EFCAB5: variants seen among roughly 807,000 people sequenced by gnomAD.
The protein encoded by EFCAB5 is EF-hand calcium-binding domain-containing protein 5.
Under a neutral mutation model 167.9 loss-of-function variants are expected in EFCAB5, and 131 were observed. The observed-to-expected ratio is 0.78, with a 90% CI of 0.68 to 0.90. EFCAB5 has a LOEUF of 0.90. Ranked by LOEUF, EFCAB5 falls within the 40% of genes least tolerant of loss-of-function variation. The pLI, the probability that EFCAB5 is intolerant of heterozygous loss-of-function variation, is 0.00. For synonymous variants in EFCAB5, 574 were observed against 602.8 expected (o/e 0.95, Z 0.70); for missense variants, 1,663 against 1,745.2 (o/e 0.95, Z 0.84).
intron 3 of EFCAB5, among the ~76,000 whole-genome samples, chr17:29,962,644 T>TC: frequency 6.6e-6 from 1 of 151,222 alleles, no homozygotes; most frequent in South Asian, 2.1e-4. Context: ...TTTTTTTTTT[T>TC]TTTTTTTAGA....
At chr17:30,029,140 T>C (rs1379974796) in intron 7 of EFCAB5, among the ~76,000 whole-genome samples, 1 of 152,202 alleles carries the variant, frequency 6.6e-6, no homozygotes, top group Non-Finnish European at 1.5e-5. Flanking sequence ...TAAGCAAAGT[T>C]TTGAAAAATC....
chr17:30,053,312 A>AGGTTT lies in EFCAB5; in HGVS notation c.1358_1359insGGTTT (p.Asn453LysfsTer18). 1 of 1,613,772 alleles carries AGGTTT rather than the reference A, an allele frequency of 6.2e-7. No homozygotes were observed. The highest frequency in any genetic ancestry group is 1.7e-5 in the Admixed American group (1 of 59,988). ...ACTGAGTTGTGGGGAGACATGGATA[A>AGGTTT]TCAGAAACACATTTATGAAGGTTTT... On this transcript the variant is annotated frameshift_variant, in exon 10 of 23. Coordinates refer to ENST00000394835, the MANE Select transcript of EFCAB5 (RefSeq NM_198529.4). LOFTEE classifies it high-confidence loss of function.
intron 3 of EFCAB5, among the ~76,000 whole-genome samples, chr17:29,954,946 C>A (rs571354278): frequency 6.6e-6 from 1 of 152,158 alleles, no homozygotes; most frequent in Non-Finnish European, 1.5e-5. Context: ...GATTTTACTG[C>A]CCTGTTGTAT....
At chr17:30,059,771 T>C in intron 14 of EFCAB5, 70 bp downstream of exon 14, 2 of 1,354,468 alleles carry the variant, frequency 1.5e-6, no homozygotes, top group Non-Finnish European at 2.0e-6. Context: ...AGTACACATA[T>C]ACAGTTAAAA....
In EFCAB5 at chr17:30,012,755, G is replaced by A. The variant is rs367971519; in HGVS notation, c.1044+12779G>A. On this transcript the variant is annotated intron_variant, in intron 7 of 22. Coordinates refer to ENST00000394835, the MANE Select transcript of EFCAB5 (RefSeq NM_198529.4). ...CGTCTCTGCACATGGGGAGAGACCC[G>A]CCGACCCTGTGGGACTGGTCCCTAC... Among the ~76,000 whole-genome samples, 16 of 152,186 alleles carry A rather than the reference G, an allele frequency of 1.1e-4. No individual in the cohort carries two copies. In the East Asian group the frequency reaches 2.3e-3, roughly 22 times the overall value.
chr17:30,093,803 G>A (rs1427252376), intron 22 of EFCAB5, among the ~76,000 whole-genome samples: 2 of 152,104 alleles, frequency 1.3e-5, no homozygotes, highest in African/African-American at 2.4e-5. Context: ...CACAGTCTCC[G>A]CAGCAATCAA....
At chr17:30,050,983 G>A (rs1447383263) in intron 8 of EFCAB5, 135 bp from the exon 9 acceptor site, 13 of 685,240 alleles carry the variant, frequency 1.9e-5, no homozygotes, top group Admixed American at 1.7e-4. Flanking sequence ...TGATTTTGAT[G>A]CTGCAGCTTT....
At chr17:29,969,413 GA>G (rs2067904849) in intron 4 of EFCAB5, 46 bp downstream of exon 4, 1 of 1,430,518 alleles carries the variant, frequency 7.0e-7, no homozygotes, top group African/African-American at 1.4e-5. Context: ...TCCTTACATT[GA>G]AAAACTAGTA....
chr17:29,974,368 G>A (rs1013109589), intron 4 of EFCAB5, among the ~76,000 whole-genome samples: 3 of 151,422 alleles, frequency 2.0e-5, no homozygotes, highest in Non-Finnish European at 4.4e-5. Flanking sequence ...GCAAGACCCC[G>A]TCTCTACAAA....
intron 8 of EFCAB5, among the ~76,000 whole-genome samples, chr17:30,050,140 C>CT (rs1014362189): frequency 4.3e-4 from 61 of 141,430 alleles, no homozygotes; most frequent in African/African-American, 6.7e-4. Flanking sequence ...ACTTTTTTTT[C>CT]TTTTTTTTTT....
At chr17:30,023,800 G>A (rs1269696633) in intron 7 of EFCAB5, among the ~76,000 whole-genome samples, 4 of 152,058 alleles carry the variant, frequency 2.6e-5, no homozygotes, top group South Asian at 4.1e-4. Flanking sequence ...CTGGCAAACC[G>A]AATCCAGCAA....
intron 14 of EFCAB5, among the ~76,000 whole-genome samples, chr17:30,065,142 G>C (rs1034579693): frequency 2.6e-5 from 4 of 152,074 alleles, no homozygotes; most frequent in African/African-American, 7.2e-5. Flanking sequence ...CTCACTGGTA[G>C]AGCAGATACA....
At chr17:30,046,781 C>T (rs2069941850) in intron 8 of EFCAB5, among the ~76,000 whole-genome samples, 1 of 152,148 alleles carries the variant, frequency 6.6e-6, no homozygotes, top group African/African-American at 2.4e-5. Context: ...AATAACTTCT[C>T]TTGGGGCATT....
chr17:30,024,062 C>T (rs2069251737), intron 7 of EFCAB5, among the ~76,000 whole-genome samples: 1 of 152,130 alleles, frequency 6.6e-6, no homozygotes, highest in African/African-American at 2.4e-5. Flanking sequence ...ATGACAAACC[C>T]ACAGCCAATA....
intron 6 of EFCAB5, among the ~76,000 whole-genome samples, chr17:29,996,609 A>T (rs1027471627): frequency 2.6e-5 from 4 of 152,226 alleles, no homozygotes; most frequent in Non-Finnish European, 5.9e-5. Flanking sequence ...ATCCTATGAC[A>T]TTCCTAGAAA....
At chr17:30,090,335 CAAGAGAGT>C in intron 19 of EFCAB5, 78 bp from the exon 20 acceptor site, 1 of 1,510,376 alleles carries the variant, frequency 6.6e-7, no homozygotes. Context: ...GAGGTAGGCA[CAAGAGAGT>C]AATTCAATAT....
At chr17:30,021,392 A>C (rs891916376) in intron 7 of EFCAB5, among the ~76,000 whole-genome samples, 1 of 147,800 alleles carries the variant, frequency 6.8e-6, no homozygotes, top group African/African-American at 2.5e-5. Flanking sequence ...TTTATATAAA[A>C]TATGAGCATG....
Position 30,059,555 on chromosome 17 carries a change from A to G in EFCAB5, c.2591A>G (p.Asn864Ser). 6.2e-7 allele frequency: 1 copy of G among 1,604,164 alleles called. No homozygotes were observed. Among genetic ancestry groups the G allele is most frequent in the East Asian group, 2.2e-5 (1 of 44,760 alleles). The change falls in exon 14 of 23, where the codon AAT becomes AGT. Residue 864 changes from asparagine to serine, a missense_variant. Transcript: ENST00000394835. ...CTGTTTGTATCCTAGTTTAGCCAAA[A>G]TGCTTTCCAAGTCCGACAGAGGCTT... is the stretch of plus-strand genomic sequence containing the variant. The part of the protein sequence containing the change: ...KMNALEQFSQ[N>S]AFQVRQRLLL...
At chr17:30,081,718 C>A (rs577235804) in intron 17 of EFCAB5, among the ~76,000 whole-genome samples, 1 of 152,122 alleles carries the variant, frequency 6.6e-6, no homozygotes, top group African/African-American at 2.4e-5. Flanking sequence ...TTTTCACTTT[C>A]TCTTCCCATT....
Sources: gnomAD v4.1 joint callset for allele counts (sites outside exome capture counted in the v4.1 genomes callset) on GRCh38, gnomAD v4.1.1 for gene constraint, MANE v1.5 for transcripts, NCBI Gene and HGNC (gene_info 2026-07-23, HGNC 2026-07-21) for gene names.